The following ZNF143 variants were observed in gnomAD, a reference collection of about 807,000 sequenced individuals.
The protein encoded by ZNF143 is zinc finger protein 143.
ZNF143 carries 49 observed loss-of-function variants against 74.1 expected under a neutral mutation model. The ratio of observed to expected loss-of-function variants is 0.66; its 90% CI spans 0.53 to 0.84. ZNF143 has a LOEUF of 0.84. Among genes scored for constraint, ZNF143 ranks in the 40% least tolerant of loss-of-function variants. The pLI is 0.00. For synonymous variants in ZNF143, 304 were observed against 282.8 expected (o/e 1.07, Z -0.75); for missense variants, 637 against 793.4 (o/e 0.80, Z 2.37).
At chr11:9,475,811 C>T (rs991938230) in intron 5 of ZNF143, among the ~76,000 whole-genome samples, 10 of 152,112 alleles carry the variant, frequency 6.6e-5, no homozygotes, top group Admixed American at 1.3e-4. Flanking sequence ...GCAGGAGAAT[C>T]GCTTGAACCC....
At chr11:9,499,818 C>G (rs917120781) in intron 10 of ZNF143, among the ~76,000 whole-genome samples, 8 of 152,170 alleles carry the variant, frequency 5.3e-5, no homozygotes, top group African/African-American at 1.9e-4. Flanking sequence ...CTAATTTGAG[C>G]TCATCCTAGA....
intron 15 of ZNF143, among the ~76,000 whole-genome samples, chr11:9,527,124 C>T (rs1186022600): frequency 2.6e-5 from 4 of 152,048 alleles, no homozygotes; most frequent in East Asian, 1.9e-4. Flanking sequence ...TGAGCCACCG[C>T]GCCCAGCCAA....
In ZNF143 at chr11:9,492,425, T is replaced by G. The variant is rs188041613; in HGVS notation, c.646-2221T>G. On this transcript the variant is annotated intron_variant, in intron 7 of 15. Coordinates refer to ENST00000396602, the MANE Select transcript of ZNF143 (RefSeq NM_003442.6). ...ACTGCACCCAGCCCTAATTTTGTAT[T>G]TTTAGTAGAGACAGGGTTTCACTGT... Among the ~76,000 whole-genome samples the G allele has an allele frequency of 2.6e-5, 4 of 152,156 alleles. No homozygotes were observed. In the East Asian group the frequency reaches 7.7e-4, roughly 29 times the overall value.
At chr11:9,521,067 C>T (rs1299057007) in intron 14 of ZNF143, among the ~76,000 whole-genome samples, 4 of 152,126 alleles carry the variant, frequency 2.6e-5, no homozygotes, top group Admixed American at 1.3e-4. Context: ...TCCCTGCCCC[C>T]ACACATACAT....
chr11:9,515,283 C>T (rs1013724878), intron 13 of ZNF143, among the ~76,000 whole-genome samples: 4 of 151,930 alleles, frequency 2.6e-5, no homozygotes, highest in East Asian at 3.9e-4. Context: ...GTTGGATTCT[C>T]GTAGAAATTC....
intron 10 of ZNF143, among the ~76,000 whole-genome samples, chr11:9,499,425 C>T (rs1230386680): frequency 6.6e-6 from 1 of 152,106 alleles, no homozygotes; most frequent in African/African-American, 2.4e-5. Context: ...ATGAATAAAA[C>T]TTACTAGAGA....
intron 1 of ZNF143, among the ~76,000 whole-genome samples, chr11:9,467,584 G>A (rs1044421154): frequency 4.6e-5 from 7 of 151,798 alleles, no homozygotes; most frequent in South Asian, 2.1e-4. Context: ...GCAATGGCTC[G>A]TGCCTTTAAT....
At chr11:9,517,594 A>G (rs1267507551) in intron 14 of ZNF143, among the ~76,000 whole-genome samples, 1 of 152,196 alleles carries the variant, frequency 6.6e-6, no homozygotes, top group African/African-American at 2.4e-5. Context: ...GATAGTATCA[A>G]ACTTTTGAAT....
rs1368242475 is a variant in ZNF143, at chr11:9,485,474, A to G, written c.645+5928A>G. Among the ~76,000 whole-genome samples the G allele has an allele frequency of 2.7e-5, 4 of 150,496 alleles. No homozygotes were observed. The South Asian group carries it at 6.2e-4, about 23-fold the overall frequency. On this transcript the variant is annotated intron_variant, in intron 7 of 15. Transcript: ENST00000396602. ...GTGATTCTCATGCCTCAGCCTCCCA[A>G]GTAGCTGGAATTACAGGCTTATACC...
At chr11:9,473,059 G>T (rs771252075) in intron 3 of ZNF143, among the ~76,000 whole-genome samples, 6 of 151,704 alleles carry the variant, frequency 4.0e-5, no homozygotes, top group Admixed American at 6.6e-5. Context: ...TTTACCTTGG[G>T]TCATTATTTC....
At chr11:9,480,103 A>G (rs992911388) in intron 7 of ZNF143, among the ~76,000 whole-genome samples, 1 of 152,112 alleles carries the variant, frequency 6.6e-6, no homozygotes, top group Non-Finnish European at 1.5e-5. Flanking sequence ...CGTGGTTCAA[A>G]TGTTCACCCT....
chr11:9,471,844 G>A (rs529825856), intron 2 of ZNF143, among the ~76,000 whole-genome samples: 22 of 145,846 alleles, frequency 1.5e-4, no homozygotes, highest in South Asian at 4.4e-4. Context: ...GAGCCATTGC[G>A]CCCAGCCTCT....
rs200965856 is a variant in ZNF143 at position 9,525,364 on chromosome 11, A to G, written c.1811A>G (p.Asn604Ser). Reference sequence around the variant, plus strand: ...CCTCTGACCTTAGTAGCAACATCCAATGGCACCCAGATTGCAGTTCAGGTG... The same window carrying G: ...CCTCTGACCTTAGTAGCAACATCCAGTGGCACCCAGATTGCAGTTCAGGTG... ...TRPLTLVATS[N>S]GTQIAVQLGE... The change falls in exon 15 of 16, where the codon AAT (asparagine) becomes AGT (serine). Residue 604 changes from asparagine (N) to serine (S), a missense_variant. Asn to Ser is a conservative substitution (Grantham distance 46, BLOSUM62 1). This residue lies in a region of ZNF143 where 344 missense variants were observed against 485.6 expected (regional missense o/e 0.71). Coordinates refer to ENST00000396602, the MANE Select transcript of ZNF143 (RefSeq NM_003442.6). 125 of 1,614,126 alleles carry G rather than the reference A, an allele frequency of 7.7e-5. No homozygotes were observed. Among genetic ancestry groups the G allele is most frequent in the East Asian group, 7.1e-4 (32 of 44,876 alleles).
intron 12 of ZNF143, among the ~76,000 whole-genome samples, chr11:9,512,160 A>G (rs1848573745): frequency 6.6e-6 from 1 of 152,158 alleles, no homozygotes; most frequent in African/African-American, 2.4e-5. Flanking sequence ...TAATACACAT[A>G]TAGTATCAAG....
intron 7 of ZNF143, among the ~76,000 whole-genome samples, chr11:9,492,711 TC>T (rs1257067415): frequency 6.6e-6 from 1 of 152,228 alleles, no homozygotes; most frequent in Non-Finnish European, 1.5e-5. Flanking sequence ...GTGGTATGAA[TC>T]CTTTTATAAA....
chr11:9,486,621 C>T (rs1307556138), intron 7 of ZNF143, among the ~76,000 whole-genome samples: 3 of 144,220 alleles, frequency 2.1e-5, no homozygotes, highest in African/African-American at 8.0e-5. Flanking sequence ...AGACGTTTGA[C>T]TCCTTCAGAA....
chr11:9,475,910 A>ATATATATG (rs370474107), intron 5 of ZNF143, among the ~76,000 whole-genome samples: 7 of 137,288 alleles, frequency 5.1e-5, no homozygotes, highest in African/African-American at 1.7e-4. Context: ...AAAAATATAT[A>ATATATATG]TGTGTGTGTG....
intron 1 of ZNF143, among the ~76,000 whole-genome samples, chr11:9,469,215 C>CTTT (rs33968880): frequency 1.0e-5 from 1 of 97,464 alleles, no homozygotes; most frequent in African/African-American, 3.9e-5. Flanking sequence ...CAGCAGGGGT[C>CTTT]TTTTTTTTTT....
chr11:9,510,734 A>ATT (rs76523082), intron 12 of ZNF143, among the ~76,000 whole-genome samples: 33 of 149,782 alleles, frequency 2.2e-4, no homozygotes, highest in Admixed American at 8.0e-4. Context: ...AGGGGGAAAC[A>ATT]TTTTTTTTTT....
Sources: allele counts gnomAD v4.1 joint callset (sites outside exome capture counted in the v4.1 genomes callset), GRCh38; gene constraint gnomAD v4.1.1; regional missense constraint gnomAD v4.1.1; transcripts MANE v1.5; gene names NCBI Gene and HGNC (gene_info 2026-07-23, HGNC 2026-07-21).